Variants in RASAL2 observed in about 807,000 individuals in gnomAD.
RASAL2 encodes the protein RAS protein activator like 2.
RASAL2 carries 58 observed loss-of-function variants against 128.9 expected under a neutral mutation model. The observed-to-expected ratio is 0.45, with a 90% confidence interval of 0.36 to 0.56. RASAL2 has a LOEUF of 0.56. Among genes scored for constraint, RASAL2 ranks in the 20% least tolerant of loss-of-function variants. The pLI is 0.00. For synonymous variants in RASAL2, 561 were observed against 580.8 expected, an observed-to-expected ratio of 0.97 and a Z score of 0.49; for missense variants, 1,360 against 1,601.6, an observed-to-expected ratio of 0.85 and a Z score of 2.57.
intron 3 of RASAL2, among the ~76,000 whole-genome samples, chr1:178,302,710 G>A (rs944871105): frequency 1.3e-5 from 2 of 152,106 alleles, no homozygotes; most frequent in African/African-American, 2.4e-5. Context: ...AAGAAAACAA[G>A]GTGAGAAGAC....
At position 178,458,361 on chromosome 1, in the gene RASAL2, C is replaced by T. The variant is rs1473392571; in HGVS notation, c.3069C>T (p.Ala1023=). 1 of 1,614,208 alleles carries T rather than the reference C, an allele frequency of 6.2e-7. No homozygotes were observed. The highest frequency in any genetic ancestry group is 1.1e-5 in the South Asian group (1 of 91,082). ...ACCAGGGTGGGTTAGGTGCCCGAGC[C>T]AAAGCCCCACCATCCCTGCCACACA... ...KVDQGGLGAR[A]KAPPSLPHSA... is the part of the protein sequence containing the mutation. The change falls in exon 14 of 18, where the codon GCC becomes GCT. Residue 1023 remains alanine (A), a synonymous_variant. Transcript: ENST00000367649.
At position 178,452,439 on chromosome 1, in the gene RASAL2, A is replaced by G. The variant is rs1289064529; in HGVS notation, c.1796A>G (p.Glu599Gly). The G allele has an allele frequency of 6.2e-7, 1 of 1,613,998 alleles. No individual in the cohort carries two copies. Among genetic ancestry groups the G allele is most frequent in the Non-Finnish European group, 8.5e-7 (1 of 1,179,928 alleles). ...SYCVFPRELK[E>G]VFASWKQQCL... ...AGTGTTTTCCCTCGTGAGTTGAAAG[A>G]AGTGTTTGCATCATGGAAGCAGCAG... Residue 599 changes from glutamate to glycine, a missense_variant, in exon 11 of 18, where the codon GAA becomes GGA. This residue lies in a region of RASAL2 where 741 missense variants were observed against 868.6 expected (regional missense o/e 0.85). Coordinates refer to ENST00000367649, the MANE Select transcript of RASAL2 (RefSeq NM_170692.4).
At chr1:178,375,677 G>A (rs1671952347) in intron 3 of RASAL2, among the ~76,000 whole-genome samples, 1 of 152,110 alleles carries the variant, frequency 6.6e-6, no homozygotes, top group Non-Finnish European at 1.5e-5. Context: ...AAAATAGATG[G>A]AGAGATTACA....
intron 14 of RASAL2, among the ~76,000 whole-genome samples, chr1:178,462,233 A>G (rs2102929465): frequency 6.6e-6 from 1 of 152,320 alleles, no homozygotes; most frequent in East Asian, 1.9e-4. Context: ...ACAATCATTG[A>G]AAAGAAGCCT....
At chr1:178,277,049 G>A (rs1164212008) in intron 1 of RASAL2, among the ~76,000 whole-genome samples, 2 of 150,524 alleles carry the variant, frequency 1.3e-5, no homozygotes, top group African/African-American at 4.9e-5. Context: ...TCGGGAGGCT[G>A]AGGCAGGAGA....
At chr1:178,325,731 G>A (rs1419033165) in intron 3 of RASAL2, among the ~76,000 whole-genome samples, 1 of 152,162 alleles carries the variant, frequency 6.6e-6, no homozygotes, top group Non-Finnish European at 1.5e-5. Context: ...CTTCTAATAA[G>A]GCTTGGCATC....
rs551450446 is a variant in RASAL2 at position 178,295,322 on chromosome 1, G to A, written c.331-4670G>A. On this transcript the variant is annotated intron_variant, in intron 2 of 17. Transcript: ENST00000367649. Reference sequence around the variant, plus strand: ...GTTACATAGGTACACGTGTGCCATGGTGGTTTGCTGCACCTATTGACCTGT... The same window carrying A: ...GTTACATAGGTACACGTGTGCCATGATGGTTTGCTGCACCTATTGACCTGT... Among the ~76,000 whole-genome samples, 15 of 151,920 alleles carry A rather than the reference G, an allele frequency of 9.9e-5. No homozygotes were observed. The East Asian group carries it at 2.3e-3, about 24-fold the overall frequency.
intron 3 of RASAL2, among the ~76,000 whole-genome samples, chr1:178,365,228 A>G (rs1454725661): frequency 5.3e-5 from 8 of 152,174 alleles, no homozygotes; most frequent in Admixed American, 5.2e-4. Flanking sequence ...AGATAAATGA[A>G]AATTCATCTT....
intron 1 of RASAL2, among the ~76,000 whole-genome samples, chr1:178,233,037 A>G (rs1252686030): frequency 6.6e-6 from 1 of 152,126 alleles, no homozygotes; most frequent in Non-Finnish European, 1.5e-5. Flanking sequence ...CTTTGTCTCT[A>G]CTCTGATGAT....
intron 3 of RASAL2, among the ~76,000 whole-genome samples, chr1:178,347,970 A>G (rs776537594): frequency 9.9e-5 from 15 of 152,262 alleles, no homozygotes; most frequent in Non-Finnish European, 1.8e-4. Context: ...TACAGCAATG[A>G]AAAAGAACAA....
At chr1:178,184,423 C>T (rs983826504) in intron 1 of RASAL2, among the ~76,000 whole-genome samples, 1 of 150,720 alleles carries the variant, frequency 6.6e-6, no homozygotes, top group Non-Finnish European at 1.5e-5. Context: ...TATACTTTTA[C>T]ATTTTACATT....
intron 5 of RASAL2, among the ~76,000 whole-genome samples, chr1:178,430,630 T>C (rs1297649663): frequency 2.0e-5 from 3 of 152,126 alleles, no homozygotes; most frequent in Admixed American, 2.0e-4. Flanking sequence ...AATTATAGAT[T>C]ACTGCATTTG....
intron 1 of RASAL2, among the ~76,000 whole-genome samples, chr1:178,175,437 CGTGTGTGTGTGT>C (rs1158552851): frequency 1.4e-3 from 199 of 144,440 alleles, no homozygotes; most frequent in African/African-American, 5.0e-3. Context: ...TACATGGTTA[CGTGTGTGTGTGT>C]GTGTGTGTGT....
intron 1 of RASAL2, among the ~76,000 whole-genome samples, chr1:178,157,545 TG>T (rs1175488768): frequency 6.6e-6 from 1 of 152,148 alleles, no homozygotes; most frequent in African/African-American, 2.4e-5. Context: ...TGCAGGGAGT[TG>T]GGGTGCCTAT....
chr1:178,217,297 T>G (rs1017323399), intron 1 of RASAL2, among the ~76,000 whole-genome samples: 4 of 152,070 alleles, frequency 2.6e-5, no homozygotes, highest in African/African-American at 9.7e-5. Flanking sequence ...TTTTTTAGAG[T>G]GCTATTTGGT....
chr1:178,312,332 A>G (rs1343559840), intron 3 of RASAL2, among the ~76,000 whole-genome samples: 1 of 152,224 alleles, frequency 6.6e-6, no homozygotes. Context: ...AAAGGATCAG[A>G]AAGGCTGCGG....
At chr1:178,318,830 G>A (rs1478722565) in intron 3 of RASAL2, among the ~76,000 whole-genome samples, 12 of 147,700 alleles carry the variant, frequency 8.1e-5, no homozygotes, top group African/African-American at 7.5e-5. Flanking sequence ...ATTTGATCCT[G>A]TCATTATGAT....
chr1:178,404,220 C>T (rs1261884544), intron 4 of RASAL2, among the ~76,000 whole-genome samples: 3 of 138,734 alleles, frequency 2.2e-5, no homozygotes, highest in African/African-American at 5.4e-5. Flanking sequence ...TGCGAGACCC[C>T]GTCTCAAAAA....
At chr1:178,196,002 A>T (rs779823530) in intron 1 of RASAL2, among the ~76,000 whole-genome samples, 17 of 152,152 alleles carry the variant, frequency 1.1e-4, no homozygotes, top group Non-Finnish European at 2.1e-4. Context: ...CCAAGACCAG[A>T]CATGTAAAAA....
Sources: allele counts gnomAD v4.1 joint callset (sites outside exome capture counted in the v4.1 genomes callset), GRCh38; gene constraint gnomAD v4.1.1; regional missense constraint gnomAD v4.1.1; transcripts MANE v1.5; gene names NCBI Gene and HGNC (gene_info 2026-07-23, HGNC 2026-07-21).